The following NBPF11 variants were observed in gnomAD, a reference collection of about 807,000 sequenced individuals.
NBPF11 encodes NBPF member 11.
In NBPF11, 72 loss-of-function variants were observed where a neutral mutation model predicts 93.9. That is an observed-to-expected ratio of 0.77 (90% CI 0.63 to 0.93). NBPF11 has a LOEUF of 0.93. NBPF11 is among the 40% of genes least tolerant of loss of function. The probability of loss-of-function intolerance (pLI) is 0.00; values close to 1 mark genes in which losing one functional copy is unlikely to be tolerated. For missense variants in NBPF11, 705 were observed against 802.2 expected (o/e 0.88, Z 1.46); for synonymous variants, 224 against 304.9 (o/e 0.73, Z 2.76).
At chr1:148,126,166 A>T (rs1357761106) in intron 5 of NBPF11, among the ~76,000 whole-genome samples, 1 of 151,404 alleles carries the variant, frequency 6.6e-6, no homozygotes, top group Non-Finnish European at 1.5e-5. Context: ...ACGCCCATCT[A>T]CTTTTTGTAT....
chr1:148,135,381 T>C, intron 4 of NBPF11: 1 of 274,456 alleles, frequency 3.6e-6, no homozygotes, highest in South Asian at 4.1e-5. Context: ...AGACAGCAAA[T>C]TTGCATATTA....
chr1:148,125,376 C>T (rs1317287596), intron 5 of NBPF11, among the ~76,000 whole-genome samples: 2 of 151,960 alleles, frequency 1.3e-5, no homozygotes, highest in African/African-American at 4.9e-5. Context: ...CTTGTACAGT[C>T]AGGAAGGCCC....
At chr1:148,138,511 G>C (rs1164437494) in intron 2 of NBPF11, among the ~76,000 whole-genome samples, 1 of 151,828 alleles carries the variant, frequency 6.6e-6, no homozygotes, top group African/African-American at 2.4e-5. Flanking sequence ...GCAGTCTTCC[G>C]CAGTGTAGTG....
intron 16 of NBPF11, among the ~76,000 whole-genome samples, chr1:148,109,974 G>T (rs1664850116): frequency 6.9e-6 from 1 of 144,790 alleles, no homozygotes; most frequent in African/African-American, 2.6e-5. Flanking sequence ...GCCTTGGGCA[G>T]GTAAAGAACC....
At chr1:148,139,195 T>C (rs1263215489) in intron 2 of NBPF11, among the ~76,000 whole-genome samples, 6 of 151,322 alleles carry the variant, frequency 4.0e-5, no homozygotes, top group Non-Finnish European at 8.8e-5. Flanking sequence ...TTTAAAAAAT[T>C]CCTTTTCTTG....
At chr1:148,148,066 A>G (rs1446377470) in intron 1 of NBPF11, among the ~76,000 whole-genome samples, 3 of 152,174 alleles carry the variant, frequency 2.0e-5, no homozygotes, top group African/African-American at 7.2e-5. Context: ...AGCAGGTGGC[A>G]GGGCTGGGCT....
At chr1:148,109,209 G>A (rs1411521165) in intron 17 of NBPF11, 75 bp downstream of exon 17, 77 of 990,490 alleles carry the variant, frequency 7.8e-5, no homozygotes, top group East Asian at 4.5e-4. Flanking sequence ...GATTTTCAGC[G>A]TGTACTGTTT....
rs1287263016 is a variant in NBPF11, at chr1:148,122,656, C to A, written c.566+73G>T. On this transcript the variant is annotated intron_variant, in intron 8 of 23. Coordinates refer to ENST00000682118, the MANE Select transcript of NBPF11 (RefSeq NM_001385469.3). Reference sequence around the variant, plus strand: ...GCGGGCTTTTGGCCCATCATAGATGCCAGAGAGGGCGTGCCTCCTAGACAT... The same window carrying A: ...GCGGGCTTTTGGCCCATCATAGATGACAGAGAGGGCGTGCCTCCTAGACAT... 3 of 1,589,698 alleles carry A rather than the reference C, an allele frequency of 1.9e-6. No homozygotes were observed. The South Asian group carries it at 3.3e-5, about 18-fold the overall frequency.
In NBPF11 at chr1:148,122,068, T is replaced by C; in HGVS notation, c.765A>G (p.Leu255=). 6.2e-7 allele frequency: 1 copy of C among 1,609,544 alleles called. No individual in the cohort carries two copies. Among genetic ancestry groups the C allele is most frequent in the Non-Finnish European group, 8.5e-7 (1 of 1,176,004 alleles). The change falls in exon 9 of 24, where the codon CTA becomes CTG. Residue 255 remains leucine, a synonymous_variant. Transcript: ENST00000682118. ...AATAGAGGCTACCTGGGAGAATGTT[T>C]AGAGCATCCTGACATCCATCATGAG... The part of the protein sequence containing the change: ...ESSHDGCQDA[L]NILPVPGPTS...
intron 3 of NBPF11, 102 bp from the exon 4 acceptor site, chr1:148,135,915 T>A: frequency 1.2e-6 from 1 of 829,648 alleles, no homozygotes; most frequent in East Asian, 2.7e-5. Context: ...GTGCCCTGTG[T>A]GGCCTGAGAG....
At position 148,103,208 on chromosome 1, in the gene NBPF11, C is replaced by T. The variant is rs1340174657; in HGVS notation, c.*688G>A. 1.3e-3 allele frequency: 258 copies of T among 202,398 alleles called. No homozygotes were observed. The highest frequency in any genetic ancestry group is 6.4e-3 in the African/African-American group (242 of 37,838). 12.5% of individuals were successfully genotyped at this position (202,398 alleles called of 1,614,324 possible). ...TGAAATACAATCCTCAGCCAAGGAT[C>T]CCTCCTGTGTTACAGATGGATCAGC... On this transcript the variant is annotated 3_prime_UTR_variant, in exon 24 of 24. Coordinates refer to ENST00000682118, the MANE Select transcript of NBPF11 (RefSeq NM_001385469.3).
intron 8 of NBPF11, 81 bp from the exon 9 acceptor site, chr1:148,122,347 C>T (rs1668064567): frequency 6.2e-7 from 1 of 1,602,588 alleles, no homozygotes; most frequent in African/African-American, 1.3e-5. Flanking sequence ...CTGGTTTTGA[C>T]AAGCGGCATT....
intron 23 of NBPF11, 28 bp from the exon 24 acceptor site, chr1:148,103,940 C>A (rs1662891975): frequency 6.2e-7 from 1 of 1,610,370 alleles, no homozygotes; most frequent in African/African-American, 1.3e-5. Context: ...ACTAAAGAAG[C>A]AGCCAGGGAA....
At chr1:148,105,762 A>G (rs1166468411) in intron 21 of NBPF11, among the ~76,000 whole-genome samples, 4 of 86,920 alleles carry the variant, frequency 4.6e-5, no homozygotes, top group Non-Finnish European at 7.8e-5. Flanking sequence ...ACACACAAAG[A>G]CACACACACA....
chr1:148,124,863 C>A, intron 6 of NBPF11, 36 bp downstream of exon 6: 2 of 1,602,940 alleles, frequency 1.2e-6, no homozygotes, highest in South Asian at 1.1e-5. Context: ...GATCTACACA[C>A]CTACCTGCCT....
At chr1:148,146,722 G>A in intron 1 of NBPF11, 1 of 1,612,146 alleles carries the variant, frequency 6.2e-7, no homozygotes, top group Non-Finnish European at 8.5e-7. Flanking sequence ...CGTGCCTGGT[G>A]CCAGGTACAC....
chr1:148,125,413 C>A (rs1269443320), intron 5 of NBPF11, among the ~76,000 whole-genome samples: 1 of 152,022 alleles, frequency 6.6e-6, no homozygotes, highest in South Asian at 2.1e-4. Flanking sequence ...GATGGTTTCC[C>A]TTTTACTGGG....
intron 4 of NBPF11, among the ~76,000 whole-genome samples, chr1:148,130,804 C>T (rs1463029872): frequency 6.6e-6 from 1 of 151,904 alleles, no homozygotes. Flanking sequence ...GTTCATCAGC[C>T]TTTCAACCCT....
rs3992638 is a variant in NBPF11, at chr1:148,117,038, T to C, written c.1307-503A>G. Among the ~76,000 whole-genome samples, 185 of 152,206 alleles carry C rather than the reference T, an allele frequency of 1.2e-3. No individual in the cohort carries two copies. In the Middle Eastern group the frequency reaches 0.014, roughly 11 times the overall value. On this transcript the variant is annotated intron_variant, in intron 12 of 23. Coordinates refer to ENST00000682118, the MANE Select transcript of NBPF11 (RefSeq NM_001385469.3). ...GTCTGAAGCACTTCCTACCACAAAA[T>C]GCCCCCACATCAAGTGCCTTCTCCA...
Sources: gnomAD v4.1 joint callset for allele counts (sites outside exome capture counted in the v4.1 genomes callset) on GRCh38, gnomAD v4.1.1 for gene constraint, MANE v1.5 for transcripts, NCBI Gene and HGNC (gene_info 2026-07-23, HGNC 2026-07-21) for gene names.